RIPOR1: variants seen among roughly 807,000 people sequenced by gnomAD.
RIPOR1 encodes RHO family interacting cell polarization regulator 1.
A neutral mutation model predicts 116.5 loss-of-function variants in RIPOR1; 58 were observed. That is an observed-to-expected ratio of 0.50 (90% CI 0.40 to 0.62). The LOEUF (loss-of-function observed/expected upper bound fraction) is 0.62. Ranked by LOEUF, RIPOR1 falls within the 20% of genes least tolerant of loss-of-function variation. RIPOR1 has a pLI of 0.00. For missense variants in RIPOR1, 1,372 were observed against 1,586.2 expected, an observed-to-expected ratio of 0.86 and a Z score of 2.29; for synonymous variants, 605 against 650.0, an observed-to-expected ratio of 0.93 and a Z score of 1.05.
chr16:67,536,709 G>T (rs1304523660), intron 1 of RIPOR1, among the ~76,000 whole-genome samples: 2 of 152,180 alleles, frequency 1.3e-5, no homozygotes, highest in East Asian at 3.9e-4. Flanking sequence ...CTCTCTTGGC[G>T]CAGCAGCACA....
chr16:67,541,805 G>C lies in RIPOR1; in HGVS notation c.1080+23G>C, dbSNP rs1396341537. The C allele has an allele frequency of 1.2e-6, 2 of 1,613,882 alleles. No homozygotes were observed. Among genetic ancestry groups the C allele is most frequent in the East Asian group, 2.2e-5 (1 of 44,892 alleles). ...TATGTGAGTCATAGCCCAGGTCCAG[G>C]CCTCACCATCCCCCAGAGGCTCCCT... On this transcript the variant is annotated intron_variant, in intron 12 of 21. Transcript: ENST00000042381. The surrounding 1 kb of genome is among the most constrained non-coding windows in gnomAD (Gnocchi z 4.6).
intron 1 of RIPOR1, among the ~76,000 whole-genome samples, chr16:67,534,354 A>G (rs2050739059): frequency 6.7e-6 from 1 of 150,024 alleles, no homozygotes; most frequent in Admixed American, 6.6e-5. Flanking sequence ...TCCTAGCCTC[A>G]GTGATCCACC....
At chr16:67,523,057 T>C (rs532160835) in intron 1 of RIPOR1, among the ~76,000 whole-genome samples, 2 of 152,336 alleles carry the variant, frequency 1.3e-5, no homozygotes, top group South Asian at 4.1e-4. Context: ...GTCAGTCTCC[T>C]TTGGCAGAGT....
In RIPOR1 at chr16:67,540,714, C is replaced by T. The variant is rs2050954911; in HGVS notation, c.801+10C>T. 6.4e-7 allele frequency: 1 copy of T among 1,571,758 alleles called. No homozygotes were observed. The highest frequency in any genetic ancestry group is 2.2e-5 in the East Asian group (1 of 44,554). On this transcript the variant is annotated intron_variant, in intron 10 of 21. Transcript: ENST00000042381. The surrounding 1 kb of genome is among the most constrained non-coding windows in gnomAD (Gnocchi z 4.7). ...ATTTCTGTCTATTAAGGTGATGTCT[C>T]TGCCCAGGACGGCAGGCCACCATGG... is the stretch of plus-strand genomic sequence containing the variant.
At chr16:67,527,968 T>G (rs1328036724), upstream of RIPOR1, among the ~76,000 whole-genome samples, 1 of 151,900 alleles carries the variant, frequency 6.6e-6, no homozygotes, top group African/African-American at 2.4e-5. Context: ...GACCTCTTAC[T>G]GTCCCTGAAA....
rs550384920 is a variant in RIPOR1 at position 67,530,720 on chromosome 16, G to T, written c.-24+1806G>T. Among the ~76,000 whole-genome samples, 1 of 152,284 alleles carries T rather than the reference G, an allele frequency of 6.6e-6. No individual in the cohort carries two copies. The highest frequency in any genetic ancestry group is 6.5e-5 in the Admixed American group (1 of 15,300). ...TCTGGGGCCATGCGGACAGGTCAGGGCTCCTCCACTCACGGCCATCCTGAC... is the reference window on the plus strand; with the variant it reads ...TCTGGGGCCATGCGGACAGGTCAGGTCTCCTCCACTCACGGCCATCCTGAC... On this transcript the variant is annotated intron_variant, in intron 1 of 21. Coordinates refer to ENST00000042381, the MANE Select transcript of RIPOR1 (RefSeq NM_024519.4). This position sits in a 1 kb window ranked among gnomAD's most constrained non-coding sequence, Gnocchi z 4.5.
rs1310833755 is a variant in RIPOR1 at position 67,539,179 on chromosome 16, G to A, written c.336+111G>A. On this transcript the variant is annotated intron_variant, in intron 4 of 21. Coordinates refer to ENST00000042381, the MANE Select transcript of RIPOR1 (RefSeq NM_024519.4). ...TTCTGAAGTGATCTGGTTCAGGTGT[G>A]AGTAGAAAAGGGGATATCAGGAAAG... The A allele has an allele frequency of 4.0e-5, 35 of 878,430 alleles. No individual in the cohort carries two copies. The East Asian group carries it at 9.5e-4, about 24-fold the overall frequency. The allele number at this position is 878,430 out of a possible 1,614,324, so 54.4% of individuals were successfully genotyped here.
In RIPOR1 at chr16:67,538,563, G is replaced by A. The variant is rs575053065; in HGVS notation, c.104+13G>A. ...AGCGGGGGCCCAGGTACGCGGCCGC[G>A]CAGGGTTGGTGGGGTCAAAGGGCGT... is the stretch of plus-strand genomic sequence containing the variant. On this transcript the variant is annotated intron_variant, in intron 2 of 21. Transcript: ENST00000042381. 4 of 1,611,720 alleles carry A rather than the reference G, an allele frequency of 2.5e-6. No homozygotes were observed. In the East Asian group the frequency reaches 8.9e-5, roughly 36 times the overall value.
rs1236647546 is a variant in RIPOR1, at chr16:67,530,813, G to A, written c.-24+1899G>A. Among the ~76,000 whole-genome samples, 1 of 152,180 alleles carries A rather than the reference G, an allele frequency of 6.6e-6. No individual in the cohort carries two copies. The highest frequency in any genetic ancestry group is 1.5e-5 in the Non-Finnish European group (1 of 68,020). On this transcript the variant is annotated intron_variant, in intron 1 of 21. Coordinates refer to ENST00000042381, the MANE Select transcript of RIPOR1 (RefSeq NM_024519.4). The surrounding 1 kb of genome is among the most constrained non-coding windows in gnomAD (Gnocchi z 4.5). ...TGGGTTATTTCCCATCCTGGGAACA[G>A]ACTATAGGGCTGACATGAGCCCAGA...
At chr16:67,520,062 C>CAAAAAAAA (rs796368368) in intron 1 of RIPOR1, among the ~76,000 whole-genome samples, 2 of 46,054 alleles carry the variant, frequency 4.3e-5, no homozygotes, top group East Asian at 1.0e-3. Context: ...AACTCCGTCT[C>CAAAAAAAA]AAAAAAAAAA....
Position 67,543,677 on chromosome 16 carries a change from T to C in RIPOR1, c.2600+208T>C. The C allele has an allele frequency of 1.5e-6, 1 of 657,128 alleles. No homozygotes were observed. The highest frequency in any genetic ancestry group is 2.6e-6 in the Non-Finnish European group (1 of 382,232). The allele number at this position is 657,128 out of a possible 1,614,324, so 40.7% of individuals were successfully genotyped here. On this transcript the variant is annotated intron_variant, in intron 14 of 21. Transcript: ENST00000042381. The surrounding 1 kb of genome is among the most constrained non-coding windows in gnomAD (Gnocchi z 4.7). ...TCCTTCATGCCCATGTCTCCAACCC[T>C]ACGTGTGTCCCCAGTGCTTCTGACC...
At chr16:67,534,625 G>C (rs1259241362) in intron 1 of RIPOR1, among the ~76,000 whole-genome samples, 1 of 152,076 alleles carries the variant, frequency 6.6e-6, no homozygotes, top group African/African-American at 2.4e-5. Context: ...CACCTGGAGG[G>C]AGACTCCCAG....
Position 67,544,022 on chromosome 16 carries a change from A to G in RIPOR1, c.2601-277A>G, listed in dbSNP as rs2051084003. On this transcript the variant is annotated intron_variant, in intron 14 of 21. Coordinates refer to ENST00000042381, the MANE Select transcript of RIPOR1 (RefSeq NM_024519.4). The surrounding 1 kb of genome is among the most constrained non-coding windows in gnomAD (Gnocchi z 5.1). Reference sequence around the variant, plus strand: ...CTGCACCCTTTGCAGTCCACTTGTCATAAACCATCCCGCCTGCAGCCTACT... The same window carrying G: ...CTGCACCCTTTGCAGTCCACTTGTCGTAAACCATCCCGCCTGCAGCCTACT... Among the ~76,000 whole-genome samples the G allele has an allele frequency of 6.6e-6, 1 of 151,910 alleles. No homozygotes were observed. Among genetic ancestry groups the G allele is most frequent in the Non-Finnish European group, 1.5e-5 (1 of 67,998 alleles).
chr16:67,527,266 A>C (rs138839978), upstream of RIPOR1, among the ~76,000 whole-genome samples: 3 of 151,436 alleles, frequency 2.0e-5, no homozygotes, highest in Non-Finnish European at 4.4e-5. Context: ...TCTACCAAAA[A>C]TATAAAAATT....
Position 67,545,086 on chromosome 16 carries a change from C to G in RIPOR1, c.3000C>G (p.Leu1000=). 6.2e-7 allele frequency: 1 copy of G among 1,613,258 alleles called. No homozygotes were observed. Among genetic ancestry groups the G allele is most frequent in the African/African-American group, 1.3e-5 (1 of 75,060 alleles). ...TCTGCAACCAGTATGGTGCCCGCCT[C>G]TCCCTGCGCCAGCCAGGCTTGGCTG... is the stretch of plus-strand genomic sequence containing the variant. The part of the protein sequence containing the change: ...LTFCNQYGAR[L]SLRQPGLAEA... The change falls in exon 17 of 22, where the codon CTC becomes CTG. Residue 1000 remains leucine (L), a synonymous_variant. Coordinates refer to ENST00000042381, the MANE Select transcript of RIPOR1 (RefSeq NM_024519.4). This position sits in a 1 kb window ranked among gnomAD's most constrained non-coding sequence, Gnocchi z 4.8.
chr16:67,539,465 A>G, intron 4 of RIPOR1: 1 of 573,578 alleles, frequency 1.7e-6, no homozygotes, highest in South Asian at 2.0e-5. Flanking sequence ...AAGGAAGCAG[A>G]GAGCTCTCCC....
intron 1 of RIPOR1, chr16:67,538,031 G>C (rs544967925): frequency 3.0e-4 from 63 of 211,190 alleles, no homozygotes; most frequent in African/African-American, 1.3e-3. Context: ...GGTGCCCTGG[G>C]GGGGGAAATC....
At position 67,540,099 on chromosome 16, in the gene RIPOR1, A is replaced by T. The variant is rs2050930709; in HGVS notation, c.461A>T (p.Asp154Val). Residue 154 changes from aspartate to valine, a missense_variant, in exon 7 of 22, where the codon GAT becomes GTT. Around this residue, in one of 3 missense-constraint regions of RIPOR1, gnomAD observed 202 missense variants for 295.9 expected, o/e 0.68. Coordinates refer to ENST00000042381, the MANE Select transcript of RIPOR1 (RefSeq NM_024519.4). This position sits in a 1 kb window ranked among gnomAD's most constrained non-coding sequence, Gnocchi z 4.7. Reference protein sequence around the residue: ...EAYCVQRRLRDGAYNMVRAYT... With the variant: ...EAYCVQRRLRVGAYNMVRAYT... ...TACTGTGTCCAGCGGCGTCTCCGGG[A>T]TGGTGCCTACAACATGGTCCGTGCC... 2 of 1,614,010 alleles carry T rather than the reference A, an allele frequency of 1.2e-6. No homozygotes were observed. Among genetic ancestry groups the T allele is most frequent in the African/African-American group, 1.3e-5 (1 of 74,916 alleles).
At position 67,546,458 on chromosome 16, in the gene RIPOR1, T is replaced by C; in HGVS notation, c.3655T>C (p.Phe1219Leu). 2 of 1,613,676 alleles carry C rather than the reference T, an allele frequency of 1.2e-6. No individual in the cohort carries two copies. Among genetic ancestry groups the C allele is most frequent in the Non-Finnish European group, 1.7e-6 (2 of 1,179,722 alleles). ...GCCTGGCAGCATGGCCAGCACAGCA[T>C]TCTAAACTATTCACCCATGGGTTCC... ...FGPGSMASTAF is the reference protein window; with the variant it reads ...FGPGSMASTAL Residue 1219 changes from phenylalanine (F) to leucine (L), a missense_variant, in exon 22 of 22, where the codon TTC becomes CTC. By Grantham distance (22) the Phe-to-Leu change is conservative. This residue lies in a region of RIPOR1 where 1,005 missense variants were observed against 1,144.7 expected (regional missense o/e 0.88). Transcript: ENST00000042381.
Sources: allele counts gnomAD v4.1 joint callset (sites outside exome capture counted in the v4.1 genomes callset), GRCh38; gene constraint gnomAD v4.1.1; regional missense constraint gnomAD v4.1.1; non-coding constraint Gnocchi (gnomAD v3.1); transcripts MANE v1.5; gene names NCBI Gene and HGNC (gene_info 2026-07-23, HGNC 2026-07-21).